Variants in CNTNAP4 observed in about 807,000 individuals in gnomAD.
CNTNAP4 encodes contactin associated protein family member 4.
A neutral mutation model predicts 148.4 loss-of-function variants in CNTNAP4; 98 were observed. That is an observed-to-expected ratio of 0.66 (90% CI 0.56 to 0.78). CNTNAP4 has a LOEUF of 0.78. CNTNAP4 is among the 30% of genes least tolerant of loss of function. CNTNAP4 has a pLI of 0.00. For synonymous variants in CNTNAP4, 730 were observed against 565.1 expected, an observed-to-expected ratio of 1.29 and a Z score of -4.14; for missense variants, 1,935 against 1,565.6, an observed-to-expected ratio of 1.24 and a Z score of -3.98.
chr16:76,481,468 C>T (rs1181770278), intron 12 of CNTNAP4, among the ~76,000 whole-genome samples: 10 of 152,072 alleles, frequency 6.6e-5, no homozygotes, highest in Non-Finnish European at 1.5e-4. Context: ...TAATTTGAGC[C>T]CAGGAGTTCG....
In CNTNAP4 at chr16:76,355,511, G is replaced by T; in HGVS notation, c.390G>T (p.Trp130Cys). 6.3e-7 allele frequency: 1 copy of T among 1,593,816 alleles called. No individual in the cohort carries two copies. Among genetic ancestry groups the T allele is most frequent in the Non-Finnish European group, 8.5e-7 (1 of 1,170,452 alleles). The change falls in exon 3 of 24, where the codon TGG (tryptophan) becomes TGT (cysteine). Residue 130 changes from tryptophan (W) to cysteine (C), a missense_variant and splice_region_variant. Transcript: ENST00000611870. ...AATATCGCCAAGAGGACAGCATCTG[G>T]GTATGTTCTTTAACAAAAGACATAG... ...WKQYRQEDSIWGFSGNANADS... is the reference protein window; with the variant it reads ...WKQYRQEDSICGFSGNANADS...
At chr16:76,443,791 C>T (rs758030435) in intron 4 of CNTNAP4, among the ~76,000 whole-genome samples, 1 of 152,058 alleles carries the variant, frequency 6.6e-6, no homozygotes, top group Non-Finnish European at 1.5e-5. Context: ...ATGAATCACC[C>T]TGAAATTTTT....
At chr16:76,468,588 A>G (rs556175287) in intron 10 of CNTNAP4, among the ~76,000 whole-genome samples, 1 of 152,114 alleles carries the variant, frequency 6.6e-6, no homozygotes, top group African/African-American at 2.4e-5. Context: ...CCTTAGCTCA[A>G]GCCATCCTAT....
At chr16:76,289,528 A>AT (rs5817978) in intron 1 of CNTNAP4, among the ~76,000 whole-genome samples, 9,408 of 141,902 alleles carry the variant, frequency 0.066, 467 homozygotes, top group East Asian at 0.31. Flanking sequence ...TGCCTTTAGC[A>AT]TTTTTTTTTT....
At chr16:76,549,461 G>A (rs2084872436) in intron 21 of CNTNAP4, among the ~76,000 whole-genome samples, 1 of 152,034 alleles carries the variant, frequency 6.6e-6, no homozygotes, top group African/African-American at 2.4e-5. Context: ...GCACCGGCAA[G>A]CAGATTAAAA....
rs115366270 is a variant in CNTNAP4 at position 76,398,565 on chromosome 16, A to C, written c.391-28887A>C. ...ACATGTGTCAGAACTACTTTGAGAT[A>C]GGTAACTGGAGACACATTCACTAGG... On this transcript the variant is annotated intron_variant, in intron 3 of 23. Coordinates refer to ENST00000611870, the MANE Select transcript of CNTNAP4 (RefSeq NM_033401.5). Among the ~76,000 whole-genome samples the C allele has an allele frequency of 8.5e-3, 1,299 of 152,230 alleles. 21 individuals are homozygous for C. Among genetic ancestry groups the C allele is most frequent in the African/African-American group, 0.027 (1,126 of 41,530 alleles).
At chr16:76,413,224 G>A (rs1314526146) in intron 3 of CNTNAP4, among the ~76,000 whole-genome samples, 3 of 151,092 alleles carry the variant, frequency 2.0e-5, no homozygotes, top group Non-Finnish European at 4.5e-5. Flanking sequence ...GTTTGTACCC[G>A]TTAACCATCC....
chr16:76,544,826 C>A (rs577742240), intron 21 of CNTNAP4, among the ~76,000 whole-genome samples: 3 of 152,194 alleles, frequency 2.0e-5, no homozygotes, highest in African/African-American at 7.2e-5. Flanking sequence ...TTTGGGGCTG[C>A]AGAGCCAAGA....
At chr16:76,511,522 A>G (rs1366551179) in intron 15 of CNTNAP4, among the ~76,000 whole-genome samples, 5 of 152,156 alleles carry the variant, frequency 3.3e-5, no homozygotes, top group African/African-American at 1.2e-4. Flanking sequence ...CTACATATAA[A>G]CCGTTAAAAA....
intron 3 of CNTNAP4, among the ~76,000 whole-genome samples, chr16:76,357,077 A>ACCCC (rs60305982): frequency 1.3e-5 from 2 of 151,976 alleles, no homozygotes; most frequent in African/African-American, 4.8e-5. Flanking sequence ...ACACACACAC[A>ACCCC]CACACCCCAA....
chr16:76,328,726 A>T (rs948565233), intron 2 of CNTNAP4, among the ~76,000 whole-genome samples: 2 of 152,058 alleles, frequency 1.3e-5, no homozygotes, highest in Non-Finnish European at 2.9e-5. Flanking sequence ...GCTCACTGCA[A>T]CCTCCGCCTC....
intron 2 of CNTNAP4, among the ~76,000 whole-genome samples, chr16:76,347,573 C>A (rs146168752): frequency 8.7e-4 from 132 of 152,164 alleles, no homozygotes; most frequent in African/African-American, 2.9e-3. Flanking sequence ...AGTAGGACTG[C>A]GGAGCAGAAG....
At chr16:76,405,531 A>C (rs1402058579) in intron 3 of CNTNAP4, among the ~76,000 whole-genome samples, 1 of 152,198 alleles carries the variant, frequency 6.6e-6, no homozygotes, top group Admixed American at 6.5e-5. Flanking sequence ...GTATTCTTAC[A>C]ACAAAGCAAG....
chr16:76,391,046 T>C (rs1238338467), intron 3 of CNTNAP4, among the ~76,000 whole-genome samples: 1 of 152,160 alleles, frequency 6.6e-6, no homozygotes, highest in African/African-American at 2.4e-5. Flanking sequence ...CTTTAATATA[T>C]ACAGTTATTA....
chr16:76,458,572 A>G (rs1264494777), intron 8 of CNTNAP4, among the ~76,000 whole-genome samples: 3 of 151,996 alleles, frequency 2.0e-5, no homozygotes, highest in African/African-American at 7.3e-5. Flanking sequence ...TGCAACCTAG[A>G]TCCCTCGCAT....
At chr16:76,334,948 A>G (rs1963892724) in intron 2 of CNTNAP4, among the ~76,000 whole-genome samples, 1 of 152,008 alleles carries the variant, frequency 6.6e-6, no homozygotes, top group African/African-American at 2.4e-5. Context: ...GGAAAGGTTG[A>G]ATTTTTCTAG....
At chr16:76,300,575 G>A (rs2143928035) in intron 1 of CNTNAP4, among the ~76,000 whole-genome samples, 1 of 152,246 alleles carries the variant, frequency 6.6e-6, no homozygotes, top group African/African-American at 2.4e-5. Context: ...AAACAAAGAT[G>A]TTGAATGGCA....
chr16:76,357,233 T>C (rs543464869), intron 3 of CNTNAP4, among the ~76,000 whole-genome samples: 1 of 152,230 alleles, frequency 6.6e-6, no homozygotes, highest in Non-Finnish European at 1.5e-5. Context: ...TTCTGCTCTT[T>C]TTTGAATTAA....
rs1454887395 is a variant in CNTNAP4 at position 76,355,523 on chromosome 16, A to C, written c.390+12A>C. On this transcript the variant is annotated intron_variant, in intron 3 of 23. Transcript: ENST00000611870. ...AGGACAGCATCTGGGTATGTTCTTT[A>C]ACAAAAGACATAGTCTCTCGGGGAA... 1 of 1,575,120 alleles carries C rather than the reference A, an allele frequency of 6.3e-7. No individual in the cohort carries two copies. Among genetic ancestry groups the C allele is most frequent in the South Asian group, 1.2e-5 (1 of 86,084 alleles).
Sources: allele counts gnomAD v4.1 joint callset (sites outside exome capture counted in the v4.1 genomes callset), GRCh38; gene constraint gnomAD v4.1.1; transcripts MANE v1.5; gene names NCBI Gene and HGNC (gene_info 2026-07-23, HGNC 2026-07-21).